The following ACOT9 variants were observed in gnomAD, a reference collection of about 807,000 sequenced individuals.
ACOT9 encodes acyl-CoA thioesterase 9, also known as acyl-coenzyme A thioesterase 9, mitochondrial.
ACOT9 carries 34 observed loss-of-function variants against 39.7 expected under a neutral mutation model. That is an observed-to-expected ratio of 0.86 (90% confidence interval 0.65 to 1.14). The LOEUF is 1.14. ACOT9 is among the 50% of genes most tolerant of loss of function. The pLI is 0.00. For synonymous variants in ACOT9, 110 were observed against 120.5 expected (o/e 0.91, Z 0.57); for missense variants, 313 against 344.1 (o/e 0.91, Z 0.71).
intron 1 of ACOT9, among the ~76,000 whole-genome samples, chrX:23,740,946 T>G (rs911524148): frequency 4.6e-5 from 5 of 108,789 alleles, no homozygotes; most frequent in African/African-American, 1.7e-4. Flanking sequence ...ACTGAACCTT[T>G]CCAATCAAAG....
intron 1 of ACOT9, among the ~76,000 whole-genome samples, chrX:23,738,767 A>G (rs750604500): frequency 4.4e-5 from 5 of 112,459 alleles, no homozygotes; most frequent in East Asian, 2.8e-4. Flanking sequence ...TGTATCCAAC[A>G]TAAGAAATGG....
At chrX:23,732,765 G>A (rs1347327240) in intron 4 of ACOT9, among the ~76,000 whole-genome samples, 2 of 111,224 alleles carry the variant, frequency 1.8e-5, no homozygotes, top group African/African-American at 3.3e-5. Context: ...AAGCAATAAA[G>A]GAGTCAAGTT....
At chrX:23,708,538 G>GAAAAAAAAAAAA (rs567506307) in intron 9 of ACOT9, among the ~76,000 whole-genome samples, 1 of 70,850 alleles carries the variant, frequency 1.4e-5, no homozygotes. Flanking sequence ...CTCAAAAAAA[G>GAAAAAAAAAAAA]AAAAAAAAAA....
chrX:23,712,029 T>A (rs73625171), intron 9 of ACOT9, among the ~76,000 whole-genome samples: 1,954 of 111,330 alleles, frequency 0.018, 40 homozygotes, highest in African/African-American at 0.06. Flanking sequence ...TTAGAACAAA[T>A]GATCCAGCCT....
At chrX:23,722,625 A>C in intron 7 of ACOT9, 45 bp downstream of exon 7, 1 of 898,653 alleles carries the variant, frequency 1.1e-6, no homozygotes, top group Non-Finnish European at 1.6e-6. Context: ...AATATCTTGA[A>C]ATTACTAAGA....
chrX:23,705,769 T>C lies in ACOT9; in HGVS notation c.932A>G (p.Gln311Arg), dbSNP rs1347718298. 22 of 1,202,867 alleles carry C rather than the reference T, an allele frequency of 1.8e-5. No homozygotes were observed. Among genetic ancestry groups the C allele is most frequent in the Non-Finnish European group, 2.4e-5 (21 of 888,536 alleles). Residue 311 changes from glutamine (Q) to arginine (R), a missense_variant and splice_region_variant, in exon 12 of 16, where the codon CAG becomes CGG. By Grantham distance (43) the Gln-to-Arg change is conservative. Transcript: ENST00000379303. The stretch of plus-strand genomic sequence containing the variant: ...GGATTTCTCACTAAATTATAATACC[T>C]GAGGGTGGCAAATTTCCAAACTCTT... Reference protein sequence around the residue: ...KLKSLEICHPQERNIFNRIFG... With the variant: ...KLKSLEICHPRERNIFNRIFG...
In ACOT9 at chrX:23,721,871, G is replaced by C; in HGVS notation, c.588+10C>G. 1 of 1,187,158 alleles carries C rather than the reference G, an allele frequency of 8.4e-7. No individual in the cohort carries two copies. The highest frequency in any genetic ancestry group is 1.1e-6 in the Non-Finnish European group (1 of 875,023). On this transcript the variant is annotated intron_variant, in intron 8 of 15. Transcript: ENST00000379303. Reference sequence around the variant, plus strand: ...CTTAAACAGTGGACAATCTTCAGGCGCATATTTACCTGGAACATTTGCATC... The same window carrying C: ...CTTAAACAGTGGACAATCTTCAGGCCCATATTTACCTGGAACATTTGCATC...
chrX:23,740,684 T>C (rs1451581395), intron 1 of ACOT9, among the ~76,000 whole-genome samples: 2 of 103,012 alleles, frequency 1.9e-5, no homozygotes, highest in African/African-American at 3.5e-5. Flanking sequence ...AGAGTCCAGA[T>C]AGAGCCCAGT....
In ACOT9 at chrX:23,742,202, CAGTG is replaced by C. The variant is rs1294410989; in HGVS notation, c.20+919_20+922del. On this transcript the variant is annotated intron_variant, in intron 1 of 15. Transcript: ENST00000379303. ...CAACTGATAACAAAGTCCCCAGGAACAGTGAGTGAGTGAGAGAGAGAGAGAGAGA... is the reference window on the plus strand; with the variant it reads ...CAACTGATAACAAAGTCCCCAGGAACAGTGAGTGAGAGAGAGAGAGAGAGA... 2.6e-3 allele frequency among the ~76,000 whole-genome samples: 181 copies of C among 70,470 alleles called. 14 individuals are homozygous for C. Among genetic ancestry groups the C allele is most frequent in the Middle Eastern group, 7.0e-3 (1 of 142 alleles). The allele number at this position is 70,470 out of a possible 115,157, so 61.2% of individuals were successfully genotyped here.
chrX:23,710,370 G>C (rs909776434), intron 9 of ACOT9, among the ~76,000 whole-genome samples: 1 of 111,628 alleles, frequency 9.0e-6, no homozygotes, highest in Non-Finnish European at 1.9e-5. Flanking sequence ...TCCAGGCCTG[G>C]GGCAGGAAAT....
intron 9 of ACOT9, among the ~76,000 whole-genome samples, chrX:23,711,016 T>TA (rs767319162): frequency 2.9e-5 from 3 of 102,475 alleles, no homozygotes; most frequent in Admixed American, 1.1e-4. Context: ...TCAAAAAAAA[T>TA]AAAAAAACAA....
At chrX:23,742,240 G>T (rs1920978212) in intron 1 of ACOT9, among the ~76,000 whole-genome samples, 2 of 51,181 alleles carry the variant, frequency 3.9e-5, no homozygotes, top group African/African-American at 2.6e-4. Flanking sequence ...GAGAGAGGGA[G>T]AGAGAGAGAG....
rs758928333 is a variant in ACOT9 at position 23,704,979 on chromosome X, C to T, written c.1107+14G>A. ...AAAAAAAAAGTTGTATGTCATCTCT[C>T]ATCACACACCTACCTGTGAAGAAAG... On this transcript the variant is annotated intron_variant, in intron 14 of 15. Transcript: ENST00000379303. 8.3e-7 allele frequency: 1 copy of T among 1,202,537 alleles called. No homozygotes were observed. The highest frequency in any genetic ancestry group is 1.1e-6 in the Non-Finnish European group (1 of 891,053).
intron 6 of ACOT9, among the ~76,000 whole-genome samples, chrX:23,729,584 G>A (rs745836727): frequency 9.0e-6 from 1 of 111,077 alleles, no homozygotes; most frequent in Non-Finnish European, 1.9e-5. Context: ...GGGGTGATGT[G>A]GCATCATGTC....
chrX:23,704,110 G>T, intron 15 of ACOT9, 128 bp from the exon 16 acceptor site: 1 of 488,041 alleles, frequency 2.0e-6, no homozygotes, highest in Non-Finnish European at 3.5e-6. Flanking sequence ...GCCGGGGTGT[G>T]CCACATTCCC....
At chrX:23,730,020 A>C (rs1285615802) in intron 6 of ACOT9, among the ~76,000 whole-genome samples, 1 of 110,918 alleles carries the variant, frequency 9.0e-6, no homozygotes, top group Non-Finnish European at 1.9e-5. Context: ...GATTATTCAG[A>C]CTATACCTCC....
At chrX:23,738,058 G>A (rs962382334) in intron 1 of ACOT9, among the ~76,000 whole-genome samples, 4 of 105,339 alleles carry the variant, frequency 3.8e-5, no homozygotes, top group East Asian at 3.1e-4. Context: ...TAGTAGAGAC[G>A]GGGTTTCATC....
intron 10 of ACOT9, among the ~76,000 whole-genome samples, chrX:23,707,466 C>T (rs992645151): frequency 8.9e-5 from 10 of 112,015 alleles, no homozygotes; most frequent in Non-Finnish European, 9.4e-5. Context: ...GGGCCAGGCA[C>T]AATGGCTCAC....
In ACOT9 at chrX:23,701,717, C is replaced by T. The variant is rs1601799330; in HGVS notation, c.*2177G>A. On this transcript the variant is annotated 3_prime_UTR_variant, in exon 16 of 16. Coordinates refer to ENST00000379303, the MANE Select transcript of ACOT9 (RefSeq NM_001037171.2). ...AAGCGATCCTCCCATCTCAGTCTCC[C>T]AAAGTGCTGGGATTACAGGCATGAG... 9.0e-6 allele frequency among the ~76,000 whole-genome samples: 1 copy of T among 111,384 alleles called. No homozygotes were observed. Among genetic ancestry groups the T allele is most frequent in the Non-Finnish European group, 1.9e-5 (1 of 52,988 alleles).
Sources: allele counts gnomAD v4.1 joint callset (sites outside exome capture counted in the v4.1 genomes callset), GRCh38; gene constraint gnomAD v4.1.1; transcripts MANE v1.5; gene names NCBI Gene and HGNC (gene_info 2026-07-23, HGNC 2026-07-21).